PCDHA12: variants seen among roughly 807,000 people sequenced by gnomAD.
The protein encoded by PCDHA12 is protocadherin alpha 12, also known as protocadherin alpha-12.
A neutral mutation model predicts 60.0 loss-of-function variants in PCDHA12; 44 were observed. The observed-to-expected ratio is 0.73, with a 90% CI of 0.58 to 0.94. The LOEUF (loss-of-function observed/expected upper bound fraction) is 0.94. PCDHA12 is among the 40% of genes least tolerant of loss of function. The pLI is 0.00. For synonymous variants in PCDHA12, 569 were observed against 553.0 expected (o/e 1.03, Z -0.40); for missense variants, 1,276 against 1,239.7 (o/e 1.03, Z -0.44).
chr5:140,925,409 G>T (rs2082484194), intron 1 of PCDHA12, among the ~76,000 whole-genome samples: 1 of 152,078 alleles, frequency 6.6e-6, no homozygotes, highest in Admixed American at 6.5e-5. Flanking sequence ...CCTTCTTAGG[G>T]AAAGGAACTG....
chr5:140,942,601 G>T (rs562403777), intron 1 of PCDHA12, among the ~76,000 whole-genome samples: 1 of 130,586 alleles, frequency 7.7e-6, no homozygotes, highest in South Asian at 2.4e-4. Flanking sequence ...TAATTATAGT[G>T]TTTATATTTG....
intron 3 of PCDHA12, among the ~76,000 whole-genome samples, chr5:140,988,517 T>C (rs184897922): frequency 3.0e-3 from 461 of 152,278 alleles, no homozygotes; most frequent in Middle Eastern, 0.014. Context: ...CTTACTTAAG[T>C]CTCTGCTGGC....
At chr5:140,942,539 TG>T (rs1370746759) in intron 1 of PCDHA12, among the ~76,000 whole-genome samples, 2 of 151,338 alleles carry the variant, frequency 1.3e-5, no homozygotes, top group Admixed American at 6.6e-5. Flanking sequence ...CTCAGTATGG[TG>T]GGGGGTAGGG....
Position 140,942,409 on chromosome 5 carries a change from T to TA in PCDHA12, c.2368-36528dup, listed in dbSNP as rs78736997. On this transcript the variant is annotated intron_variant, in intron 1 of 3. Coordinates refer to ENST00000398631, the MANE Select transcript of PCDHA12 (RefSeq NM_018903.4). Reference sequence around the variant, plus strand: ...CCTGGGCGACAGATGAGACTCTGTTTAAAAAAAAAAAAGATATCTAACAAT... The same window carrying TA: ...CCTGGGCGACAGATGAGACTCTGTTTAAAAAAAAAAAAAGATATCTAACAAT... Among the ~76,000 whole-genome samples, 1,256 of 143,596 alleles carry TA rather than the reference T, an allele frequency of 8.7e-3. 8 individuals are homozygous for TA. Among genetic ancestry groups the TA allele is most frequent in the African/African-American group, 0.03 (1,168 of 39,342 alleles). 94.2% of individuals were successfully genotyped at this position (143,596 alleles called of 152,430 possible).
At chr5:140,878,174 T>C (rs1554170323) in intron 1 of PCDHA12, 2 of 167,818 alleles carry the variant, frequency 1.2e-5, no homozygotes, top group African/African-American at 2.4e-5. Flanking sequence ...TGTTCATAAT[T>C]TCAAGATTAC....
At chr5:140,877,930 C>T (rs2057400413) in intron 1 of PCDHA12, 91 bp downstream of exon 1, 1 of 1,411,700 alleles carries the variant, frequency 7.1e-7, no homozygotes, top group East Asian at 2.5e-5. Flanking sequence ...CTTTATGATT[C>T]TATCCTTTAA....
At chr5:140,976,832 A>G (rs246001) in intron 1 of PCDHA12, among the ~76,000 whole-genome samples, 14,161 of 152,268 alleles carry the variant, frequency 0.093, 806 homozygotes, top group Middle Eastern at 0.22. Context: ...AATGAGCAAA[A>G]CAGATATAAT....
intron 1 of PCDHA12, among the ~76,000 whole-genome samples, chr5:140,906,693 G>A (rs887867103): frequency 6.6e-6 from 1 of 152,082 alleles, no homozygotes; most frequent in African/African-American, 2.4e-5. Context: ...GAAGGATCTG[G>A]GCCATTTGTA....
intron 3 of PCDHA12, among the ~76,000 whole-genome samples, chr5:140,983,433 G>A (rs1306046524): frequency 1.3e-5 from 2 of 152,208 alleles, no homozygotes; most frequent in African/African-American, 4.8e-5. Context: ...CACAAATTGT[G>A]TCTACTCTAA....
intron 1 of PCDHA12, chr5:140,927,582 G>C (rs1554204771): frequency 1.2e-6 from 2 of 1,614,174 alleles, no homozygotes; most frequent in Non-Finnish European, 8.5e-7. Context: ...ATGACAACGC[G>C]CCTGTATTTG....
At chr5:140,954,787 T>C (rs2095088208) in intron 1 of PCDHA12, among the ~76,000 whole-genome samples, 1 of 152,218 alleles carries the variant, frequency 6.6e-6, no homozygotes, top group African/African-American at 2.4e-5. Flanking sequence ...TAGATCTCAT[T>C]TGTCAATTTT....
chr5:140,994,550 T>A (rs1554254228), intron 3 of PCDHA12, among the ~76,000 whole-genome samples: 1 of 151,060 alleles, frequency 6.6e-6, no homozygotes, highest in Non-Finnish European at 1.5e-5. Context: ...AAAAAAAATA[T>A]AAAAATTAGC....
chr5:140,882,474 A>G, intron 1 of PCDHA12: 1 of 1,614,054 alleles, frequency 6.2e-7, no homozygotes, highest in Non-Finnish European at 8.5e-7. Context: ...GTGGCGTCCA[A>G]AAGACACGGG....
At chr5:140,904,471 C>G (rs2071156688) in intron 1 of PCDHA12, among the ~76,000 whole-genome samples, 1 of 151,730 alleles carries the variant, frequency 6.6e-6, no homozygotes, top group Non-Finnish European at 1.5e-5. Context: ...TGATTGGTGG[C>G]TATTTGGTCT....
At chr5:140,883,690 C>T (rs1313254041) in intron 1 of PCDHA12, 1 of 1,613,870 alleles carries the variant, frequency 6.2e-7, no homozygotes, top group Non-Finnish European at 8.5e-7. Context: ...GCTGCCACAT[C>T]TTCACGGTGT....
At chr5:140,914,542 T>C (rs1323797101) in intron 1 of PCDHA12, among the ~76,000 whole-genome samples, 2 of 152,202 alleles carry the variant, frequency 1.3e-5, no homozygotes, top group Non-Finnish European at 2.9e-5. Context: ...ACTTTATTTC[T>C]TTTTATTGGA....
chr5:140,903,721 C>T (rs2070530222), intron 1 of PCDHA12, among the ~76,000 whole-genome samples: 1 of 152,152 alleles, frequency 6.6e-6, no homozygotes, highest in African/African-American at 2.4e-5. Flanking sequence ...ACAATTCTCC[C>T]TATTATCAAT....
At chr5:140,887,661 T>A (rs1322494406) in intron 1 of PCDHA12, among the ~76,000 whole-genome samples, 1 of 152,170 alleles carries the variant, frequency 6.6e-6, no homozygotes, top group African/African-American at 2.4e-5. Context: ...CTTGGATCTG[T>A]GGATTTATCA....
chr5:140,918,989 GTGT>G (rs2078966617), intron 1 of PCDHA12, among the ~76,000 whole-genome samples: 1 of 152,178 alleles, frequency 6.6e-6, no homozygotes, highest in Non-Finnish European at 1.5e-5. Context: ...TTGGTTTTTA[GTGT>G]TGTTCACATC....
Sources: allele counts gnomAD v4.1 joint callset (sites outside exome capture counted in the v4.1 genomes callset), GRCh38; gene constraint gnomAD v4.1.1; transcripts MANE v1.5; gene names NCBI Gene and HGNC (gene_info 2026-07-23, HGNC 2026-07-21).